The following UGT1A8 variants were observed in gnomAD, a reference collection of about 807,000 sequenced individuals.
UGT1A8 encodes UDP glucuronosyltransferase family 1 member A8.
UGT1A8 carries 39 observed loss-of-function variants against 45.3 expected under a neutral mutation model. That is an observed-to-expected ratio of 0.86 (90% CI 0.67 to 1.12). UGT1A8 has a LOEUF of 1.12. UGT1A8 is among the 50% of genes most tolerant of loss of function. The pLI, the probability that UGT1A8 is intolerant of heterozygous loss-of-function variation, is 0.00. For synonymous variants in UGT1A8, 275 were observed against 249.2 expected (o/e 1.10, Z -0.97); for missense variants, 719 against 664.9 (o/e 1.08, Z -0.90).
At chr2:233,661,682 T>TCTTTCTTTCTTTCTTTCTTTC (rs1559329471) in intron 1 of UGT1A8, among the ~76,000 whole-genome samples, 1 of 150,368 alleles carries the variant, frequency 6.7e-6, no homozygotes, top group Admixed American at 6.7e-5. Context: ...TTTCTTTCTT[T>TCTTTCTTTCTTTCTTTCTTTC]TTAAACAAAG....
intron 1 of UGT1A8, among the ~76,000 whole-genome samples, chr2:233,736,107 T>G (rs1391401808): frequency 6.6e-6 from 1 of 152,266 alleles, no homozygotes; most frequent in Non-Finnish European, 1.5e-5. Flanking sequence ...AAGAGTGTTT[T>G]CCAACTTGTT....
chr2:233,714,620 A>T (rs1224138567), intron 1 of UGT1A8, among the ~76,000 whole-genome samples: 1 of 152,256 alleles, frequency 6.6e-6, no homozygotes, highest in East Asian at 1.9e-4. Context: ...CAGCAAAAAG[A>T]AACCACTAAA....
intron 1 of UGT1A8, chr2:233,750,533 C>A (rs761988421): frequency 6.6e-6 from 1 of 151,942 alleles, no homozygotes; most frequent in Non-Finnish European, 1.5e-5. Flanking sequence ...GGGAAAATGG[C>A]TTCAGTGCAC....
chr2:233,690,760 TAC>T (rs899779207), intron 1 of UGT1A8: 456 of 901,510 alleles, frequency 5.1e-4, no homozygotes, highest in East Asian at 4.7e-3. Context: ...AGTGCAGACA[TAC>T]ACACACACAC....
At chr2:233,753,145 T>C (rs1695138672) in intron 1 of UGT1A8, 1 of 152,202 alleles carries the variant, frequency 6.6e-6, no homozygotes, top group Non-Finnish European at 1.5e-5. Flanking sequence ...TCTTCACACA[T>C]GTAAGTTCCC....
chr2:233,757,535 A>AATATATATACATATACATATATAT lies in UGT1A8; in HGVS notation c.856-9490_856-9489insCATATACATATATATATATATATA, dbSNP rs376887521. Among the ~76,000 whole-genome samples, 332 of 87,516 alleles carry AATATATATACATATACATATATAT rather than the reference A, an allele frequency of 3.8e-3. 5 individuals are homozygous for AATATATATACATATACATATATAT. Among genetic ancestry groups the AATATATATACATATACATATATAT allele is most frequent in the Middle Eastern group, 0.012 (2 of 168 alleles). The allele number at this position is 87,516 out of a possible 152,430, so 57.4% of individuals were successfully genotyped here. A position where few individuals can be genotyped will look rare whatever the true frequency, so the allele number is the denominator to read the frequency against. Reference sequence around the variant, plus strand: ...CAAAGCCAAAATCTTGCCTGTAAGGAATATATATATATATATATATATATA... The same window carrying AATATATATACATATACATATATAT: ...CAAAGCCAAAATCTTGCCTGTAAGGAATATATATACATATACATATATATATATATATATATATATATATATATA... On this transcript the variant is annotated intron_variant, in intron 1 of 4. Transcript: ENST00000373450.
chr2:233,730,291 G>T (rs962328046), intron 1 of UGT1A8, among the ~76,000 whole-genome samples: 2 of 152,200 alleles, frequency 1.3e-5, no homozygotes, highest in African/African-American at 4.8e-5. Context: ...CTTCATGGTT[G>T]TGCATGTCCT....
At chr2:233,669,070 G>T (rs952655787) in intron 1 of UGT1A8, among the ~76,000 whole-genome samples, 1 of 152,172 alleles carries the variant, frequency 6.6e-6, no homozygotes, top group Non-Finnish European at 1.5e-5. Context: ...GCTTTCTTGC[G>T]AATGGATACC....
chr2:233,739,834 G>T (rs1286639353), intron 1 of UGT1A8, among the ~76,000 whole-genome samples: 1 of 152,016 alleles, frequency 6.6e-6, no homozygotes, highest in Non-Finnish European at 1.5e-5. Context: ...GAAAAGACAT[G>T]AGATTTGGGA....
intron 1 of UGT1A8, among the ~76,000 whole-genome samples, chr2:233,748,618 A>C (rs1693989707): frequency 1.3e-5 from 2 of 151,764 alleles, no homozygotes; most frequent in Non-Finnish European, 2.9e-5. Flanking sequence ...CGAACGTGGG[A>C]TATATGTCTG....
chr2:233,754,919 G>C, intron 1 of UGT1A8: 9 of 1,353,338 alleles, frequency 6.7e-6, no homozygotes, highest in Non-Finnish European at 8.9e-6. Context: ...TCTCCAGCGG[G>C]TTTCCCAAGA....
chr2:233,653,480 G>A (rs904528792), intron 1 of UGT1A8, among the ~76,000 whole-genome samples: 5 of 152,164 alleles, frequency 3.3e-5, no homozygotes, highest in East Asian at 1.9e-4. Context: ...TTGCAGCTTT[G>A]ATCATCTGAA....
At chr2:233,724,991 G>A (rs997879259) in intron 1 of UGT1A8, among the ~76,000 whole-genome samples, 1 of 144,104 alleles carries the variant, frequency 6.9e-6, no homozygotes, top group African/African-American at 2.7e-5. Context: ...GCGGTTAGGG[G>A]CTGGAGACCG....
chr2:233,690,011 T>C (rs913512213), intron 1 of UGT1A8: 3 of 442,948 alleles, frequency 6.8e-6, no homozygotes, highest in African/African-American at 4.1e-5. Flanking sequence ...TCTCACCATT[T>C]TGGACCTTCC....
At chr2:233,678,400 G>T (rs1384108264) in intron 1 of UGT1A8, among the ~76,000 whole-genome samples, 1 of 152,176 alleles carries the variant, frequency 6.6e-6, no homozygotes, top group African/African-American at 2.4e-5. Flanking sequence ...AGGAGGAGTA[G>T]ATGTTGATTT....
At chr2:233,627,882 A>G (rs757604012) in intron 1 of UGT1A8, among the ~76,000 whole-genome samples, 10 of 152,034 alleles carry the variant, frequency 6.6e-5, no homozygotes, top group Non-Finnish European at 8.8e-5. Context: ...TTCAAGATTT[A>G]CAATATTGCA....
chr2:233,690,297 T>C (rs760995534), intron 1 of UGT1A8, among the ~76,000 whole-genome samples: 2 of 152,238 alleles, frequency 1.3e-5, no homozygotes, highest in Non-Finnish European at 2.9e-5. Context: ...AGGTGGGTCC[T>C]GGCTCCATTA....
chr2:233,747,214 A>G, intron 1 of UGT1A8: 1 of 1,605,450 alleles, frequency 6.2e-7, no homozygotes, highest in South Asian at 1.1e-5. Flanking sequence ...TTCTGCTGAG[A>G]TGGCCACAGG....
chr2:233,745,199 G>C (rs1446932556), intron 1 of UGT1A8, among the ~76,000 whole-genome samples: 2 of 151,776 alleles, frequency 1.3e-5, no homozygotes, highest in Non-Finnish European at 2.9e-5. Context: ...AAAACAACCA[G>C]GGAGATCCTC....
Sources: allele counts gnomAD v4.1 joint callset (sites outside exome capture counted in the v4.1 genomes callset), GRCh38; gene constraint gnomAD v4.1.1; transcripts MANE v1.5; gene names NCBI Gene and HGNC (gene_info 2026-07-23, HGNC 2026-07-21).